Variants in HS3ST4 observed in about 807,000 individuals in gnomAD.
HS3ST4 encodes heparan sulfate-glucosamine 3-sulfotransferase 4.
Under a neutral mutation model 29.2 loss-of-function variants are expected in HS3ST4, and 17 were observed. The ratio of observed to expected loss-of-function variants is 0.58; its 90% CI spans 0.40 to 0.87. The LOEUF (loss-of-function observed/expected upper bound fraction) is 0.87. Ranked by LOEUF, HS3ST4 falls within the 40% of genes least tolerant of loss-of-function variation. The pLI is 0.00. For missense variants in HS3ST4, 627 were observed against 634.5 expected (o/e 0.99, Z 0.13); for synonymous variants, 314 against 285.7 (o/e 1.10, Z -1.00).
chr16:26,123,434 A>G (rs1899302538), intron 1 of HS3ST4, among the ~76,000 whole-genome samples: 1 of 152,194 alleles, frequency 6.6e-6, no homozygotes, highest in Non-Finnish European at 1.5e-5. Context: ...TTGGCCAGTG[A>G]TTCCTACCCT....
chr16:25,733,839 C>CG (rs1966588367), intron 1 of HS3ST4, among the ~76,000 whole-genome samples: 2 of 152,138 alleles, frequency 1.3e-5, no homozygotes, highest in African/African-American at 2.4e-5. Context: ...ACATTGGGTG[C>CG]CGGACGCAGT....
intron 1 of HS3ST4, among the ~76,000 whole-genome samples, chr16:25,788,914 G>A (rs1250573225): frequency 1.4e-4 from 22 of 152,102 alleles, no homozygotes; most frequent in Admixed American, 1.4e-3. Context: ...TTACAGGTGG[G>A]TTATCAATGT....
chr16:25,768,383 C>A (rs1966834815), intron 1 of HS3ST4, among the ~76,000 whole-genome samples: 1 of 152,124 alleles, frequency 6.6e-6, no homozygotes, highest in Admixed American at 6.5e-5. Context: ...GCATTAGATC[C>A]CTCTCTTCTC....
intron 1 of HS3ST4, among the ~76,000 whole-genome samples, chr16:26,021,082 T>C (rs1012698442): frequency 1.3e-5 from 2 of 152,202 alleles, no homozygotes; most frequent in African/African-American, 4.8e-5. Context: ...GTTTGAAACA[T>C]CAAAACAGCC....
rs535191653 is a variant in HS3ST4 at position 25,948,694 on chromosome 16, G to A, written c.735-186918G>A. On this transcript the variant is annotated intron_variant, in intron 1 of 1. Coordinates refer to ENST00000331351, the MANE Select transcript of HS3ST4 (RefSeq NM_006040.3). Reference sequence around the variant, plus strand: ...ATGTTCTTTGATTCTGATGCTAAATGCCACTATCACCTAGTTTCTTTTCTT... The same window carrying A: ...ATGTTCTTTGATTCTGATGCTAAATACCACTATCACCTAGTTTCTTTTCTT... Among the ~76,000 whole-genome samples the A allele has an allele frequency of 2.0e-5, 3 of 152,216 alleles. No individual in the cohort carries two copies. In the South Asian group the frequency reaches 6.2e-4, roughly 32 times the overall value.
At chr16:26,103,892 AAT>A (rs1471724423) in intron 1 of HS3ST4, among the ~76,000 whole-genome samples, 4 of 152,340 alleles carry the variant, frequency 2.6e-5, no homozygotes, top group South Asian at 2.1e-4. Context: ...CACCCACACC[AAT>A]ATAGAGAAAG....
chr16:26,114,355 T>A (rs190364645), intron 1 of HS3ST4, among the ~76,000 whole-genome samples: 1 of 152,278 alleles, frequency 6.6e-6, no homozygotes, highest in East Asian at 1.9e-4. Flanking sequence ...CACATTAATA[T>A]TTTTCAATGC....
chr16:25,754,723 A>C (rs984636878), intron 1 of HS3ST4, among the ~76,000 whole-genome samples: 4 of 152,098 alleles, frequency 2.6e-5, no homozygotes, highest in African/African-American at 9.7e-5. Flanking sequence ...CGATCACAAG[A>C]ACAGGATGGG....
intron 1 of HS3ST4, among the ~76,000 whole-genome samples, chr16:25,802,269 G>A (rs771613054): frequency 7.2e-5 from 11 of 152,088 alleles, no homozygotes; most frequent in East Asian, 1.9e-4. Flanking sequence ...ATTCATTTAC[G>A]TATTACATTG....
At chr16:26,127,497 TAA>T (rs1454457930) in intron 1 of HS3ST4, among the ~76,000 whole-genome samples, 3 of 152,212 alleles carry the variant, frequency 2.0e-5, no homozygotes, top group African/African-American at 7.2e-5. Flanking sequence ...TTTCCCCAAG[TAA>T]GAATGTTGAC....
intron 1 of HS3ST4, among the ~76,000 whole-genome samples, chr16:25,838,798 G>T (rs1174736873): frequency 6.6e-6 from 1 of 152,152 alleles, no homozygotes; most frequent in African/African-American, 2.4e-5. Context: ...CCAACACTCA[G>T]CCGAGAAAAG....
At chr16:25,798,584 A>T (rs576202293) in intron 1 of HS3ST4, among the ~76,000 whole-genome samples, 6 of 152,278 alleles carry the variant, frequency 3.9e-5, no homozygotes, top group Admixed American at 2.6e-4. Flanking sequence ...GACCATTCTG[A>T]TGCTAATGGG....
At chr16:25,724,284 A>G (rs1169534120) in intron 1 of HS3ST4, among the ~76,000 whole-genome samples, 1 of 152,216 alleles carries the variant, frequency 6.6e-6, no homozygotes, top group African/African-American at 2.4e-5. Context: ...CAATTTCAGC[A>G]GATACCTGCC....
intron 1 of HS3ST4, among the ~76,000 whole-genome samples, chr16:26,134,357 CTTTTCT>C (rs1250802056): frequency 7.3e-5 from 8 of 109,080 alleles, no homozygotes; most frequent in Non-Finnish European, 5.5e-5. Flanking sequence ...CTTTTCTTTT[CTTTTCT>C]TTTTTTTTTT....
At chr16:25,736,220 C>T (rs542125641) in intron 1 of HS3ST4, among the ~76,000 whole-genome samples, 3 of 152,276 alleles carry the variant, frequency 2.0e-5, no homozygotes, top group South Asian at 4.1e-4. Context: ...GCATTCATAA[C>T]GACGTTGGAA....
chr16:26,013,119 G>A (rs151274916), intron 1 of HS3ST4, among the ~76,000 whole-genome samples: 12 of 152,104 alleles, frequency 7.9e-5, no homozygotes, highest in Non-Finnish European at 1.3e-4. Flanking sequence ...AGCTGAGATC[G>A]TGCCACTGTA....
At chr16:26,003,251 TC>T (rs975001679) in intron 1 of HS3ST4, among the ~76,000 whole-genome samples, 1 of 152,194 alleles carries the variant, frequency 6.6e-6, no homozygotes, top group Non-Finnish European at 1.5e-5. Flanking sequence ...CTTAGCTTGT[TC>T]AGTTTTCTCA....
chr16:25,974,229 A>G (rs1276051246), intron 1 of HS3ST4, among the ~76,000 whole-genome samples: 1 of 152,192 alleles, frequency 6.6e-6, no homozygotes. Context: ...CTATCAAGCC[A>G]TTTGTAACTC....
rs563874812 is a variant in HS3ST4, at chr16:25,724,796, G to T, written c.734+31645G>T. On this transcript the variant is annotated intron_variant, in intron 1 of 1. Transcript: ENST00000331351. ...AGGTCACTGGCAACTTCGTTAACTCGTTGTGAATTAAAACAATGAGTTTGT... is the reference window on the plus strand; with the variant it reads ...AGGTCACTGGCAACTTCGTTAACTCTTTGTGAATTAAAACAATGAGTTTGT... Among the ~76,000 whole-genome samples, 4 of 152,054 alleles carry T rather than the reference G, an allele frequency of 2.6e-5. No homozygotes were observed. In the South Asian group the frequency reaches 8.3e-4, roughly 31 times the overall value.
Sources: allele counts gnomAD v4.1 joint callset (sites outside exome capture counted in the v4.1 genomes callset), GRCh38; gene constraint gnomAD v4.1.1; transcripts MANE v1.5; gene names NCBI Gene and HGNC (gene_info 2026-07-23, HGNC 2026-07-21).